OSBPL2: variants seen among roughly 807,000 people sequenced by gnomAD.
OSBPL2 encodes the protein oxysterol binding protein like 2.
OSBPL2 carries 18 observed loss-of-function variants against 58.4 expected under a neutral mutation model. The observed-to-expected ratio is 0.31, with a 90% CI of 0.21 to 0.46. The LOEUF (loss-of-function observed/expected upper bound fraction) is 0.46, where lower values mean the gene tolerates loss of function less well. OSBPL2 is among the 20% of genes least tolerant of loss of function. The pLI, the probability that OSBPL2 is intolerant of heterozygous loss-of-function variation, is 1.00. For missense variants in OSBPL2, 461 were observed against 616.5 expected, an observed-to-expected ratio of 0.75 and a Z score of 2.67; for synonymous variants, 221 against 234.1, an observed-to-expected ratio of 0.94 and a Z score of 0.51.
chr20:62,241,292 A>C (rs980002633), intron 1 of OSBPL2, among the ~76,000 whole-genome samples: 1 of 152,000 alleles, frequency 6.6e-6, no homozygotes, highest in Non-Finnish European at 1.5e-5. Context: ...TCCCGGGTTC[A>C]CACCATTCTC....
chr20:62,258,043 G>A (rs778193689), intron 2 of OSBPL2, among the ~76,000 whole-genome samples: 3 of 152,178 alleles, frequency 2.0e-5, no homozygotes, highest in Non-Finnish European at 4.4e-5. Flanking sequence ...TCAGTTTGCT[G>A]TGACTTCCCA....
At chr20:62,261,697 C>T (rs1251599410) in intron 3 of OSBPL2, among the ~76,000 whole-genome samples, 2 of 152,210 alleles carry the variant, frequency 1.3e-5, no homozygotes, top group African/African-American at 2.4e-5. Flanking sequence ...CCCAACCACC[C>T]TTGTTTCCAG....
At position 62,260,098 on chromosome 20, in the gene OSBPL2, C is replaced by T; in HGVS notation, c.155C>T (p.Ser52Phe). ...ATTGGGAAAACTGGGGAGAGGCCCT[C>T]TCAAGAGAACGGAATTCAGAAACAC... ...NRIGKTGERP[S>F]QENGIQKHRT... Residue 52 changes from serine (S) to phenylalanine (F), a missense_variant, in exon 3 of 14, where the codon TCT (serine) becomes TTT (phenylalanine). Ser to Phe is a radical substitution (Grantham distance 155). Coordinates refer to ENST00000313733, the MANE Select transcript of OSBPL2 (RefSeq NM_144498.4). 6.2e-7 allele frequency: 1 copy of T among 1,613,958 alleles called. No individual in the cohort carries two copies. Among genetic ancestry groups the T allele is most frequent in the South Asian group, 1.1e-5 (1 of 91,058 alleles).
At chr20:62,254,765 C>T (rs563624293) in intron 1 of OSBPL2, among the ~76,000 whole-genome samples, 23 of 152,326 alleles carry the variant, frequency 1.5e-4, no homozygotes, top group Admixed American at 7.8e-4. Flanking sequence ...CTTCTCTTGT[C>T]GTTCATCAAA....
intron 10 of OSBPL2, chr20:62,284,981 G>T (rs1050682520): frequency 1.3e-5 from 2 of 152,160 alleles, no homozygotes; most frequent in Admixed American, 6.5e-5. Flanking sequence ...TCCCCTTAAA[G>T]CTTTGGAATA....
chr20:62,291,240 T>TTC, intron 12 of OSBPL2: 1 of 133,204 alleles, frequency 7.5e-6, no homozygotes, highest in Non-Finnish European at 1.6e-5. Flanking sequence ...ATGCTTTGTA[T>TTC]TCAGAATGTG....
At chr20:62,251,865 CTT>C (rs147891445) in intron 1 of OSBPL2, among the ~76,000 whole-genome samples, 25 of 41,760 alleles carry the variant, frequency 6.0e-4, no homozygotes, top group African/African-American at 1.1e-3. Context: ...ATTGGTATGC[CTT>C]TTTTTTTTTT....
intron 5 of OSBPL2, 142 bp downstream of exon 5, chr20:62,272,401 C>G: frequency 1.1e-6 from 1 of 901,778 alleles, no homozygotes; most frequent in Non-Finnish European, 1.6e-6. Flanking sequence ...GCCTGGCGGT[C>G]GTGGCATTTG....
intron 4 of OSBPL2, among the ~76,000 whole-genome samples, chr20:62,267,554 G>A (rs1981762630): frequency 6.6e-6 from 1 of 152,188 alleles, no homozygotes; most frequent in African/African-American, 2.4e-5. Context: ...CACCGGGGTA[G>A]TCTTATTTCG....
At chr20:62,256,588 G>A (rs1047763014) in intron 2 of OSBPL2, among the ~76,000 whole-genome samples, 2 of 152,208 alleles carry the variant, frequency 1.3e-5, no homozygotes, top group Non-Finnish European at 2.9e-5. Flanking sequence ...AAACCCCTGG[G>A]TCTGCAGCTG....
chr20:62,255,410 G>A (rs1358059307), intron 1 of OSBPL2, among the ~76,000 whole-genome samples: 2 of 152,156 alleles, frequency 1.3e-5, no homozygotes, highest in Admixed American at 1.3e-4. Flanking sequence ...ACCACACCCT[G>A]CGCCCATGAC....
At position 62,252,932 on chromosome 20, in the gene OSBPL2, C is replaced by A. The variant is rs1227825193; in HGVS notation, c.-128-3125C>A. Among the ~76,000 whole-genome samples, 3 of 152,366 alleles carry A rather than the reference C, an allele frequency of 2.0e-5. No individual in the cohort carries two copies. The South Asian group carries it at 6.2e-4, about 32-fold the overall frequency. The stretch of plus-strand genomic sequence containing the variant: ...CCGTGAGGGATCCACTCCCATGGCT[C>A]AAACACCTCCCATCAGGCCTGCATC... On this transcript the variant is annotated intron_variant, in intron 1 of 13. Coordinates refer to ENST00000313733, the MANE Select transcript of OSBPL2 (RefSeq NM_144498.4).
intron 8 of OSBPL2, 109 bp from the exon 9 acceptor site, chr20:62,281,681 C>A: frequency 1.3e-6 from 1 of 741,326 alleles, no homozygotes; most frequent in Non-Finnish European, 2.4e-6. Flanking sequence ...CATTTGCAGT[C>A]ACCCCCCGCC....
chr20:62,274,035 C>T (rs1982234459), intron 6 of OSBPL2, among the ~76,000 whole-genome samples: 1 of 152,206 alleles, frequency 6.6e-6, no homozygotes, highest in Non-Finnish European at 1.5e-5. Flanking sequence ...CAGCTTCCCT[C>T]CTGTCTCTGG....
chr20:62,266,485 T>C (rs1446226523), intron 4 of OSBPL2, among the ~76,000 whole-genome samples: 2 of 152,224 alleles, frequency 1.3e-5, no homozygotes, highest in Admixed American at 6.5e-5. Context: ...AGTGATTGGC[T>C]GTGGCTCGTT....
chr20:62,271,449 C>T (rs1982047432), intron 4 of OSBPL2, among the ~76,000 whole-genome samples: 1 of 152,152 alleles, frequency 6.6e-6, no homozygotes, highest in Non-Finnish European at 1.5e-5. Context: ...CCTGGGACCA[C>T]TACTCTGTTT....
rs1337293576 is a variant in OSBPL2 at position 62,293,971 on chromosome 20, A to G, written c.*84A>G. 2.0e-6 allele frequency: 3 copies of G among 1,527,326 alleles called. No individual in the cohort carries two copies. Among genetic ancestry groups the G allele is most frequent in the African/African-American group, 2.8e-5 (2 of 71,652 alleles). The allele number at this position is 1,527,326 out of a possible 1,614,324, so 94.6% of individuals were successfully genotyped here. A position where few individuals can be genotyped will look rare whatever the true frequency, so the allele number is the denominator to read the frequency against. ...TGGCCACTGTGAGCCTCGTCACAGC[A>G]GAAACCAACTTTTCTAACGACTGAG... On this transcript the variant is annotated 3_prime_UTR_variant, in exon 14 of 14. Coordinates refer to ENST00000313733, the MANE Select transcript of OSBPL2 (RefSeq NM_144498.4).
At chr20:62,259,630 G>A (rs1055793382) in intron 2 of OSBPL2, among the ~76,000 whole-genome samples, 1 of 152,166 alleles carries the variant, frequency 6.6e-6, no homozygotes, top group African/African-American at 2.4e-5. Context: ...GTTTGAATCC[G>A]ATAGAAGTGG....
At chr20:62,257,715 A>AT (rs536036293) in intron 2 of OSBPL2, among the ~76,000 whole-genome samples, 3,162 of 129,198 alleles carry the variant, frequency 0.024, 91 homozygotes, top group East Asian at 0.086. Flanking sequence ...ACCTCTGGCC[A>AT]TTTTTTTTTT....
Sources: gnomAD v4.1 joint callset for allele counts (sites outside exome capture counted in the v4.1 genomes callset) on GRCh38, gnomAD v4.1.1 for gene constraint, MANE v1.5 for transcripts, NCBI Gene and HGNC (gene_info 2026-07-23, HGNC 2026-07-21) for gene names.